Variants in ATP1B3 observed in about 807,000 individuals in gnomAD.
ATP1B3 encodes the protein ATPase Na+/K+ transporting subunit beta 3.
A neutral mutation model predicts 30.2 loss-of-function variants in ATP1B3; 10 were observed. The ratio of observed to expected loss-of-function variants is 0.33; its 90% CI spans 0.20 to 0.56. ATP1B3 has a LOEUF of 0.56. Among genes scored for constraint, ATP1B3 ranks in the 20% least tolerant of loss-of-function variants. The pLI, the probability that ATP1B3 is intolerant of heterozygous loss-of-function variation, is 0.90. For synonymous variants in ATP1B3, 113 were observed against 117.0 expected, an observed-to-expected ratio of 0.97 and a Z score of 0.22; for missense variants, 238 against 336.7, an observed-to-expected ratio of 0.71 and a Z score of 2.29.
At chr3:141,879,777 T>TAAAAAAAAAAAAAAAA (rs1553743168) in intron 1 of ATP1B3, among the ~76,000 whole-genome samples, 5 of 58,830 alleles carry the variant, frequency 8.5e-5, no homozygotes, top group Non-Finnish European at 1.3e-4. Context: ...AGTCTCCATC[T>TAAAAAAAAAAAAAAAA]CAAAAAAAAA....
Position 141,903,586 on chromosome 3 carries a change from G to T in ATP1B3, c.110-34G>T, listed in dbSNP as rs552298121. ...AACATGCATACACACACACACGCACGTGCACATTTCATAAGTTTTATTTTC... is the reference window on the plus strand; with the variant it reads ...AACATGCATACACACACACACGCACTTGCACATTTCATAAGTTTTATTTTC... On this transcript the variant is annotated intron_variant, in intron 1 of 6. Transcript: ENST00000286371. 3 of 1,610,424 alleles carry T rather than the reference G, an allele frequency of 1.9e-6. No homozygotes were observed. In the South Asian group the frequency reaches 3.3e-5, roughly 18 times the overall value.
At chr3:141,878,133 A>G (rs1429555792) in intron 1 of ATP1B3, among the ~76,000 whole-genome samples, 2 of 152,144 alleles carry the variant, frequency 1.3e-5, no homozygotes, top group Non-Finnish European at 2.9e-5. Context: ...CACTTTAGAG[A>G]TGAGAAAAAT....
chr3:141,883,467 G>A (rs531453509), intron 1 of ATP1B3, among the ~76,000 whole-genome samples: 3 of 152,284 alleles, frequency 2.0e-5, no homozygotes, highest in Non-Finnish European at 4.4e-5. Context: ...ACAATGAGCT[G>A]TAATTGTGCC....
At chr3:141,877,840 T>TTC (rs929567922) in intron 1 of ATP1B3, among the ~76,000 whole-genome samples, 5 of 151,816 alleles carry the variant, frequency 3.3e-5, no homozygotes, top group African/African-American at 9.7e-5. Context: ...GCTTTTTTTT[T>TTC]TTTTTGCCTT....
intron 1 of ATP1B3, among the ~76,000 whole-genome samples, chr3:141,898,621 G>A (rs1934111224): frequency 2.0e-5 from 3 of 152,156 alleles, no homozygotes; most frequent in African/African-American, 2.4e-5. Flanking sequence ...AGGTTGAGGA[G>A]GAATTGGATC....
Position 141,906,264 on chromosome 3 carries a change from C to G in ATP1B3, c.239-903C>G, listed in dbSNP as rs541032675. ...GCACGATCTCGGCTCACTGCAACCTCTGTCTCCCAGGTTCAAGCAGTTCTC... is the reference window on the plus strand; with the variant it reads ...GCACGATCTCGGCTCACTGCAACCTGTGTCTCCCAGGTTCAAGCAGTTCTC... On this transcript the variant is annotated intron_variant, in intron 2 of 6. Coordinates refer to ENST00000286371, the MANE Select transcript of ATP1B3 (RefSeq NM_001679.4). Among the ~76,000 whole-genome samples, 3 of 152,116 alleles carry G rather than the reference C, an allele frequency of 2.0e-5. No homozygotes were observed. The East Asian group carries it at 5.8e-4, about 29-fold the overall frequency.
intron 1 of ATP1B3, chr3:141,902,223 A>AT: frequency 2.3e-6 from 3 of 1,286,472 alleles, no homozygotes; most frequent in Non-Finnish European, 3.0e-6. Context: ...TATTTTGGCC[A>AT]CCTGGTAATT....
At chr3:141,907,385 C>T (rs1374905753) in intron 3 of ATP1B3, 111 bp downstream of exon 3, 6 of 748,480 alleles carry the variant, frequency 8.0e-6, no homozygotes, top group South Asian at 7.0e-5. Flanking sequence ...TTTGGGAGGC[C>T]GAAGCGGGCA....
intron 1 of ATP1B3, among the ~76,000 whole-genome samples, chr3:141,892,849 T>G (rs952186677): frequency 2.0e-5 from 3 of 152,106 alleles, no homozygotes; most frequent in African/African-American, 7.2e-5. Context: ...CTTCACAGAT[T>G]ATACAACGGT....
chr3:141,907,342 G>A (rs971978233), intron 3 of ATP1B3, 68 bp downstream of exon 3: 83 of 1,263,270 alleles, frequency 6.6e-5, no homozygotes, highest in Admixed American at 1.0e-4. Flanking sequence ...ATTGTGGGCC[G>A]GGCACGGTAG....
At chr3:141,892,070 C>G (rs1933965056) in intron 1 of ATP1B3, among the ~76,000 whole-genome samples, 1 of 151,836 alleles carries the variant, frequency 6.6e-6, no homozygotes, top group African/African-American at 2.4e-5. Flanking sequence ...TTTTTATTGT[C>G]CTTTACTCAA....
At chr3:141,903,343 C>G (rs961169446) in intron 1 of ATP1B3, among the ~76,000 whole-genome samples, 5 of 151,980 alleles carry the variant, frequency 3.3e-5, no homozygotes, top group Non-Finnish European at 5.9e-5. Flanking sequence ...AATTTTAAAG[C>G]TTTGATTTTG....
intron 3 of ATP1B3, among the ~76,000 whole-genome samples, chr3:141,908,437 C>T (rs928536052): frequency 3.3e-5 from 5 of 152,160 alleles, no homozygotes; most frequent in African/African-American, 4.8e-5. Flanking sequence ...TCTCCCACCC[C>T]GTCTTCCCTT....
intron 1 of ATP1B3, among the ~76,000 whole-genome samples, chr3:141,885,168 C>T (rs534102695): frequency 6.6e-6 from 1 of 152,270 alleles, no homozygotes; most frequent in South Asian, 2.1e-4. Context: ...CAAATTGTGC[C>T]GGTGCTATTC....
intron 1 of ATP1B3, among the ~76,000 whole-genome samples, chr3:141,900,249 G>A (rs1934139037): frequency 6.6e-6 from 1 of 152,082 alleles, no homozygotes; most frequent in Admixed American, 6.5e-5. Context: ...CTCCAAGGAG[G>A]GCAGGAAAGA....
chr3:141,924,878 G>A (rs552497970), intron 6 of ATP1B3, among the ~76,000 whole-genome samples: 228 of 152,204 alleles, frequency 1.5e-3, no homozygotes, highest in Admixed American at 1.8e-3. Context: ...ACTTGAACCC[G>A]GGAGTCAGAG....
intron 1 of ATP1B3, among the ~76,000 whole-genome samples, chr3:141,889,738 A>C (rs1933899623): frequency 9.7e-6 from 1 of 103,106 alleles, no homozygotes; most frequent in Non-Finnish European, 1.9e-5. Flanking sequence ...CAAAAAAAAA[A>C]AAAAAAAAAA....
chr3:141,917,450 C>T (rs1934486217), intron 5 of ATP1B3, among the ~76,000 whole-genome samples: 2 of 152,036 alleles, frequency 1.3e-5, no homozygotes, highest in Non-Finnish European at 2.9e-5. Flanking sequence ...AATCCTGGCA[C>T]TTTGGGAGGC....
intron 5 of ATP1B3, among the ~76,000 whole-genome samples, chr3:141,918,585 C>T (rs1397530881): frequency 2.6e-5 from 4 of 152,038 alleles, no homozygotes; most frequent in East Asian, 1.9e-4. Context: ...ACTACAGGCA[C>T]GTGCTATCAC....
Sources: gnomAD v4.1 joint callset for allele counts (sites outside exome capture counted in the v4.1 genomes callset) on GRCh38, gnomAD v4.1.1 for gene constraint, MANE v1.5 for transcripts, NCBI Gene and HGNC (gene_info 2026-07-23, HGNC 2026-07-21) for gene names.